The following FGF14 variants were observed in gnomAD, a reference collection of about 807,000 sequenced individuals.
The protein encoded by FGF14 is fibroblast growth factor homologous factor 4.
A neutral mutation model predicts 25.5 loss-of-function variants in FGF14; 5 were observed. That is an observed-to-expected ratio of 0.20 (90% CI 0.10 to 0.41). FGF14 has a LOEUF of 0.41. FGF14 is among the 10% of genes least tolerant of loss of function. FGF14 has a pLI of 1.00. For missense variants in FGF14, 222 were observed against 320.1 expected (o/e 0.69, Z 2.34); for synonymous variants, 138 against 118.3 (o/e 1.17, Z -1.08).
chr13:101,762,276 A>T (rs1054831407), intron 3 of FGF14, among the ~76,000 whole-genome samples: 1 of 152,228 alleles, frequency 6.6e-6, no homozygotes, highest in East Asian at 1.9e-4. Context: ...ATAGCAAGAC[A>T]CAAATATGAA....
intron 1 of FGF14, among the ~76,000 whole-genome samples, chr13:102,191,835 T>C (rs2049135634): frequency 6.6e-6 from 1 of 152,184 alleles, no homozygotes; most frequent in Non-Finnish European, 1.5e-5. Context: ...ATACAAGTTA[T>C]GTGCTTCCAA....
chr13:101,883,880 T>A (rs1176889744), intron 1 of FGF14, among the ~76,000 whole-genome samples: 1 of 151,382 alleles, frequency 6.6e-6, no homozygotes, highest in East Asian at 2.0e-4. Context: ...TTGGCCTACA[T>A]GGTGAAACTC....
At chr13:102,270,185 AAG>A (rs1371000570) in intron 1 of FGF14, among the ~76,000 whole-genome samples, 1 of 152,104 alleles carries the variant, frequency 6.6e-6, no homozygotes, top group African/African-American at 2.4e-5. Context: ...AAAAAAATAA[AAG>A]AACCATATTC....
intron 3 of FGF14, among the ~76,000 whole-genome samples, chr13:101,843,607 T>C (rs933190786): frequency 6.6e-6 from 1 of 152,024 alleles, no homozygotes; most frequent in African/African-American, 2.4e-5. Context: ...AGGAAAAAGA[T>C]GGCAACATAA....
At chr13:101,945,649 T>G (rs2035754899) in intron 1 of FGF14, among the ~76,000 whole-genome samples, 1 of 152,128 alleles carries the variant, frequency 6.6e-6, no homozygotes, top group African/African-American at 2.4e-5. Flanking sequence ...GCAGCCTGTT[T>G]CCCTTCTGCC....
intron 1 of FGF14, among the ~76,000 whole-genome samples, chr13:102,083,310 T>G (rs1053882240): frequency 6.6e-5 from 10 of 152,238 alleles, no homozygotes; most frequent in African/African-American, 2.4e-4. Flanking sequence ...CTCTGCAGCC[T>G]TTCAAAATCT....
At chr13:102,282,143 C>T (rs558953700) in intron 1 of FGF14, among the ~76,000 whole-genome samples, 2 of 151,746 alleles carry the variant, frequency 1.3e-5, no homozygotes, top group South Asian at 2.1e-4. Flanking sequence ...CTCGGCTCAC[C>T]GCAACCTCTG....
At chr13:101,900,988 A>C (rs547082184) in intron 1 of FGF14, among the ~76,000 whole-genome samples, 1 of 152,300 alleles carries the variant, frequency 6.6e-6, no homozygotes, top group Non-Finnish European at 1.5e-5. Flanking sequence ...TGTATCTTCA[A>C]CTTTAGTCTT....
At chr13:101,977,656 T>C (rs2038009418) in intron 1 of FGF14, among the ~76,000 whole-genome samples, 1 of 152,118 alleles carries the variant, frequency 6.6e-6, no homozygotes, top group African/African-American at 2.4e-5. Flanking sequence ...TTGGCAGCAA[T>C]CTTGCAAATG....
At chr13:101,797,211 A>G (rs1373600402) in intron 3 of FGF14, among the ~76,000 whole-genome samples, 1 of 152,066 alleles carries the variant, frequency 6.6e-6, no homozygotes, top group Non-Finnish European at 1.5e-5. Context: ...ATGCTACATC[A>G]CTTTTAATTG....
At chr13:102,342,475 C>G (rs1162916608) in intron 1 of FGF14, among the ~76,000 whole-genome samples, 5 of 152,106 alleles carry the variant, frequency 3.3e-5, no homozygotes, top group African/African-American at 1.2e-4. Flanking sequence ...TTAACATTCT[C>G]TGATTCAACC....
At chr13:101,733,455 C>T (rs1046366603) in intron 3 of FGF14, among the ~76,000 whole-genome samples, 4 of 151,882 alleles carry the variant, frequency 2.6e-5, no homozygotes, top group Non-Finnish European at 4.4e-5. Context: ...ATTAGCTGGG[C>T]GTAGTGGCAC....
At chr13:102,270,747 G>A (rs2053207039) in intron 1 of FGF14, among the ~76,000 whole-genome samples, 1 of 152,038 alleles carries the variant, frequency 6.6e-6, no homozygotes, top group Non-Finnish European at 1.5e-5. Flanking sequence ...CAAGCTGTTT[G>A]TCATTTATTT....
chr13:102,218,665 T>C (rs1439308686), intron 1 of FGF14, among the ~76,000 whole-genome samples: 1 of 152,006 alleles, frequency 6.6e-6, no homozygotes, highest in Non-Finnish European at 1.5e-5. Context: ...CTCTCACCCT[T>C]TTTAATCTTT....
At chr13:101,745,844 T>C (rs188319677) in intron 3 of FGF14, among the ~76,000 whole-genome samples, 406 of 152,042 alleles carry the variant, frequency 2.7e-3, no homozygotes, top group Non-Finnish European at 5.0e-3. Context: ...AGGTGAAATG[T>C]TGAGAACACA....
intron 3 of FGF14, among the ~76,000 whole-genome samples, chr13:101,817,761 C>T (rs2041913265): frequency 6.6e-6 from 1 of 152,122 alleles, no homozygotes; most frequent in African/African-American, 2.4e-5. Context: ...TAGGATCTGG[C>T]TGCTGCATGA....
chr13:102,102,317 C>T (rs1303333397), intron 1 of FGF14, among the ~76,000 whole-genome samples: 1 of 152,160 alleles, frequency 6.6e-6, no homozygotes, highest in Non-Finnish European at 1.5e-5. Flanking sequence ...CCTTACCATT[C>T]TGGATGGTTC....
chr13:101,847,411 T>C (rs562600348), intron 3 of FGF14, among the ~76,000 whole-genome samples: 18 of 152,214 alleles, frequency 1.2e-4, no homozygotes, highest in African/African-American at 4.3e-4. Flanking sequence ...TAACATTAAG[T>C]ATAACTTAGC....
chr13:102,076,697 A>G (rs2043379858), intron 1 of FGF14, among the ~76,000 whole-genome samples: 1 of 152,200 alleles, frequency 6.6e-6, no homozygotes, highest in Non-Finnish European at 1.5e-5. Context: ...AAAAATTAAT[A>G]TTGTTAAAAT....
Sources: gnomAD v4.1 joint callset for allele counts (sites outside exome capture counted in the v4.1 genomes callset) on GRCh38, gnomAD v4.1.1 for gene constraint, MANE v1.5 for transcripts, NCBI Gene and HGNC (gene_info 2026-07-23, HGNC 2026-07-21) for gene names.